The following NAALADL2 variants were observed in gnomAD, a reference collection of about 807,000 sequenced individuals.
NAALADL2 encodes N-acetylated alpha-linked acidic dipeptidase like 2.
A neutral mutation model predicts 87.2 loss-of-function variants in NAALADL2; 76 were observed. That is an observed-to-expected ratio of 0.87 (90% CI 0.72 to 1.05). The LOEUF (loss-of-function observed/expected upper bound fraction) is 1.05. Ranked by LOEUF, NAALADL2 falls within the 50% of genes least tolerant of loss-of-function variation. The pLI is 0.00. For synonymous variants in NAALADL2, 354 were observed against 331.0 expected, an observed-to-expected ratio of 1.07 and a Z score of -0.75; for missense variants, 1,089 against 945.8, an observed-to-expected ratio of 1.15 and a Z score of -1.99.
At chr3:174,921,682 G>A (rs1735207516) in intron 1 of NAALADL2, among the ~76,000 whole-genome samples, 2 of 151,622 alleles carry the variant, frequency 1.3e-5, no homozygotes, top group African/African-American at 4.8e-5. Flanking sequence ...GCGGGTGGCT[G>A]TAGTCCCAGC....
intron 13 of NAALADL2, among the ~76,000 whole-genome samples, chr3:175,763,111 T>TAAATAAATAAATAAAA (rs528831785): frequency 6.6e-6 from 1 of 150,976 alleles, no homozygotes; most frequent in African/African-American, 2.4e-5. Flanking sequence ...AATAAATAAA[T>TAAATAAATAAATAAAA]AGTAAATAAA....
chr3:175,757,902 T>C (rs1747473268), intron 13 of NAALADL2, among the ~76,000 whole-genome samples: 1 of 152,120 alleles, frequency 6.6e-6, no homozygotes. Flanking sequence ...TTTTGTAAAT[T>C]ATTCTATTTA....
At chr3:175,770,581 A>G (rs1749362404) in intron 13 of NAALADL2, among the ~76,000 whole-genome samples, 1 of 152,182 alleles carries the variant, frequency 6.6e-6, no homozygotes, top group Non-Finnish European at 1.5e-5. Context: ...CTCTTTATGC[A>G]ATAATGTGAA....
intron 1 of NAALADL2, among the ~76,000 whole-genome samples, chr3:174,872,360 G>A (rs1440211570): frequency 6.6e-6 from 1 of 152,132 alleles, no homozygotes; most frequent in African/African-American, 2.4e-5. Context: ...AACTTACTCA[G>A]GATTATGCAG....
intron 1 of NAALADL2, among the ~76,000 whole-genome samples, chr3:175,054,011 A>G (rs554874454): frequency 2.0e-5 from 3 of 152,358 alleles, no homozygotes; most frequent in South Asian, 2.1e-4. Flanking sequence ...ATTGTTTGCA[A>G]TTTGGTAAAT....
chr3:175,346,154 A>G (rs1763133420), intron 5 of NAALADL2, among the ~76,000 whole-genome samples: 1 of 152,150 alleles, frequency 6.6e-6, no homozygotes, highest in Admixed American at 6.6e-5. Flanking sequence ...GAATATATAA[A>G]TGAAATATAT....
At position 175,576,144 on chromosome 3, in the gene NAALADL2, T is replaced by C; in HGVS notation, c.1757T>C (p.Val586Ala). 2 of 1,613,738 alleles carry C rather than the reference T, an allele frequency of 1.2e-6. No homozygotes were observed. Among genetic ancestry groups the C allele is most frequent in the South Asian group, 2.2e-5 (2 of 91,060 alleles). The change falls in exon 10 of 14, where the codon GTT (valine) becomes GCT (alanine). Residue 586 changes from valine (V) to alanine (A), a missense_variant. Val to Ala is a moderately conservative substitution (Grantham distance 64, BLOSUM62 0). Transcript: ENST00000454872. ...DADYFINHLG[V>A]PIVQFAYEDI... is the part of the protein sequence containing the mutation. Reference sequence around the variant, plus strand: ...GATTATTTCATCAACCATCTTGGAGTTCCCATCGTGCAGTTTGCTTACGAG... The same window carrying C: ...GATTATTTCATCAACCATCTTGGAGCTCCCATCGTGCAGTTTGCTTACGAG...
At chr3:174,815,859 A>ATTTTTTTTTTTTTTT (rs1720740355) in intron 3 of NAALADL2, among the ~76,000 whole-genome samples, 1 of 73,478 alleles carries the variant, frequency 1.4e-5, no homozygotes, top group African/African-American at 4.5e-5. Context: ...TTTTTTTTTA[A>ATTTTTTTTTTTTTTT]GTTTCCTTTG....
At chr3:175,539,602 A>G (rs1301951663) in intron 9 of NAALADL2, among the ~76,000 whole-genome samples, 3 of 98,076 alleles carry the variant, frequency 3.1e-5, no homozygotes, top group Non-Finnish European at 6.1e-5. Context: ...CCCAGGTACT[A>G]AGCATAGTAC....
chr3:175,094,213 A>G (rs1046466403), intron 1 of NAALADL2, among the ~76,000 whole-genome samples: 1 of 152,012 alleles, frequency 6.6e-6, no homozygotes, highest in Admixed American at 6.6e-5. Context: ...TGTCTGAGTA[A>G]ATTAATCAGG....
intron 9 of NAALADL2, among the ~76,000 whole-genome samples, chr3:175,503,208 C>A (rs1253116952): frequency 6.6e-6 from 1 of 152,088 alleles, no homozygotes; most frequent in East Asian, 1.9e-4. Context: ...CATTAATTTG[C>A]ATAGGTTAAT....
chr3:175,603,407 C>T lies in NAALADL2; in HGVS notation c.1801-23884C>T, dbSNP rs114359022. Among the ~76,000 whole-genome samples the T allele has an allele frequency of 6.7e-3, 1,016 of 152,278 alleles. 13 individuals carry two copies. The highest frequency in any genetic ancestry group is 0.023 in the African/African-American group (968 of 41,542). On this transcript the variant is annotated intron_variant, in intron 10 of 13. Coordinates refer to ENST00000454872, the MANE Select transcript of NAALADL2 (RefSeq NM_207015.3). ...TATTGTTTGAAACCATCACCACCAT[C>T]CATTTCCAGAATTCATTTCATCTTG...
At chr3:175,179,904 T>C (rs1736213658) in intron 2 of NAALADL2, among the ~76,000 whole-genome samples, 1 of 152,058 alleles carries the variant, frequency 6.6e-6, no homozygotes, top group African/African-American at 2.4e-5. Flanking sequence ...TTGTGTCACA[T>C]AGTATCGGTA....
At chr3:175,218,441 G>T (rs1742867745) in intron 2 of NAALADL2, among the ~76,000 whole-genome samples, 1 of 148,544 alleles carries the variant, frequency 6.7e-6, no homozygotes, top group Non-Finnish European at 1.5e-5. Context: ...TCCAAAGGAG[G>T]TTTGTTTGTT....
At chr3:175,092,622 A>T (rs1461259) in intron 1 of NAALADL2, among the ~76,000 whole-genome samples, 21,982 of 151,854 alleles carry the variant, frequency 0.14, 2,120 homozygotes, top group African/African-American at 0.28. Flanking sequence ...GTGAAATAGC[A>T]TTCAGAAGAA....
chr3:174,477,063 C>T (rs1342327126), intron 1 of NAALADL2, among the ~76,000 whole-genome samples: 2 of 151,912 alleles, frequency 1.3e-5, no homozygotes, highest in African/African-American at 4.8e-5. Flanking sequence ...CACCATTGCA[C>T]TCCAGCCTGG....
chr3:174,847,747 A>G (rs1416531666), intron 3 of NAALADL2, among the ~76,000 whole-genome samples: 16 of 143,680 alleles, frequency 1.1e-4, no homozygotes, highest in Non-Finnish European at 3.1e-5. Flanking sequence ...CTAGGTGGGA[A>G]CTAGGTTAGC....
chr3:175,272,210 A>G (rs1752943900), intron 4 of NAALADL2, among the ~76,000 whole-genome samples: 2 of 152,278 alleles, frequency 1.3e-5, no homozygotes, highest in Admixed American at 6.5e-5. Context: ...GATGTTAGAC[A>G]TTTTCATTTA....
intron 10 of NAALADL2, among the ~76,000 whole-genome samples, chr3:175,605,030 C>A (rs1723493130): frequency 6.6e-6 from 1 of 152,132 alleles, no homozygotes; most frequent in Non-Finnish European, 1.5e-5. Context: ...ACAGGATTCC[C>A]AAATCATAAA....
Sources: gnomAD v4.1 joint callset for allele counts (sites outside exome capture counted in the v4.1 genomes callset) on GRCh38, gnomAD v4.1.1 for gene constraint, MANE v1.5 for transcripts, NCBI Gene and HGNC (gene_info 2026-07-23, HGNC 2026-07-21) for gene names.